Variants in CAST observed in about 807,000 individuals in gnomAD.
The protein encoded by CAST is MIR583 host.
CAST carries 76 observed loss-of-function variants against 119.6 expected under a neutral mutation model. The ratio of observed to expected loss-of-function variants is 0.64; its 90% CI spans 0.53 to 0.77. The LOEUF is 0.77. Ranked by LOEUF, CAST falls within the 30% of genes least tolerant of loss-of-function variation. The pLI, the probability that CAST is intolerant of heterozygous loss-of-function variation, is 0.00. For missense variants in CAST, 953 were observed against 946.5 expected (o/e 1.01, Z -0.09); for synonymous variants, 319 against 331.6 (o/e 0.96, Z 0.41).
chr5:96,021,484 T>C, the CAST span, among the ~76,000 whole-genome samples: 107 of 152,186 alleles, frequency 7.0e-4, no homozygotes, highest in African/African-American at 1.7e-3. Context: ...CTCGCTCTGT[T>C]GCCCAGGCTG....
intron 9 of CAST, 48 bp from the exon 10 acceptor site, chr5:96,736,120 TTGAG>T (rs1342319788): frequency 9.2e-7 from 1 of 1,088,716 alleles, no homozygotes; most frequent in African/African-American, 1.6e-5. Context: ...TGTAATAGTA[TTGAG>T]TTTTATTAAG....
At chr5:96,617,923 T>G (rs1466507290) in intron 1 of CAST, among the ~76,000 whole-genome samples, 2 of 150,648 alleles carry the variant, frequency 1.3e-5, no homozygotes, top group African/African-American at 4.9e-5. Context: ...GGAGGAGGAT[T>G]TGGAGATTAC....
chr5:96,754,054 T>G lies in CAST; in HGVS notation c.1525-6T>G. On this transcript the variant is annotated splice_region_variant and splice_polypyrimidine_tract_variant and intron_variant, in intron 20 of 31. Transcript: ENST00000675179. ...CTACTTAATATATCCACTAATGCAC[T>G]TTCAGAAGGGCACAGTGCCAGATGA... 1 of 1,596,932 alleles carries G rather than the reference T, an allele frequency of 6.3e-7. No individual in the cohort carries two copies. Among genetic ancestry groups the G allele is most frequent in the Non-Finnish European group, 8.6e-7 (1 of 1,164,302 alleles).
At chr5:96,413,288 G>A in the CAST span, among the ~76,000 whole-genome samples, 1 of 152,136 alleles carries the variant, frequency 6.6e-6, no homozygotes, top group Admixed American at 6.5e-5. Flanking sequence ...CCAACAGGCT[G>A]TCACCCGTCA....
chr5:96,346,113 G>T, the CAST span, among the ~76,000 whole-genome samples: 1 of 152,096 alleles, frequency 6.6e-6, no homozygotes, highest in South Asian at 2.1e-4. Context: ...AACATCCTCC[G>T]ATTGCAAAAT....
upstream of CAST, chr5:96,662,283 C>G (rs1748616229): frequency 9.3e-7 from 1 of 1,075,074 alleles, no homozygotes; most frequent in Non-Finnish European, 1.2e-6. Context: ...GGGGTGGGGT[C>G]GGAAAAGCTG....
chr5:96,363,631 CTGTT>C, the CAST span, among the ~76,000 whole-genome samples: 3 of 152,242 alleles, frequency 2.0e-5, no homozygotes, highest in East Asian at 1.9e-4. Context: ...ATTTGGCTCT[CTGTT>C]TGTCTGTTAT....
At chr5:96,570,626 A>T (rs868165697) in intron 1 of CAST, among the ~76,000 whole-genome samples, 2 of 152,182 alleles carry the variant, frequency 1.3e-5, no homozygotes, top group Admixed American at 1.3e-4. Context: ...GGTAAAGAGG[A>T]TGCTTAAAAC....
At chr5:96,074,183 T>G in the CAST span, among the ~76,000 whole-genome samples, 1 of 113,866 alleles carries the variant, frequency 8.8e-6, no homozygotes, top group East Asian at 2.3e-4. Flanking sequence ...TTCTCTAGAC[T>G]TCTCTTTGTT....
At chr5:96,039,294 T>C in the CAST span, among the ~76,000 whole-genome samples, 1 of 152,180 alleles carries the variant, frequency 6.6e-6, no homozygotes, top group Non-Finnish European at 1.5e-5. Context: ...GATGGATAGA[T>C]TGCAAAAATT....
At chr5:96,714,883 C>G (rs1246963593) in intron 3 of CAST, 1 of 152,112 alleles carries the variant, frequency 6.6e-6, no homozygotes. Flanking sequence ...ACTGGAAGCT[C>G]AACTTCATGC....
At chr5:96,115,224 C>T in the CAST span, among the ~76,000 whole-genome samples, 10 of 152,218 alleles carry the variant, frequency 6.6e-5, no homozygotes, top group East Asian at 7.7e-4. Context: ...GTGCTCTCAA[C>T]AGTACTTAAA....
chr5:96,260,555 T>C, the CAST span, among the ~76,000 whole-genome samples: 1 of 152,220 alleles, frequency 6.6e-6, no homozygotes, highest in Non-Finnish European at 1.5e-5. Context: ...AATATATGCA[T>C]TTATAATGAT....
the CAST span, among the ~76,000 whole-genome samples, chr5:95,968,569 G>GT: frequency 6.6e-6 from 1 of 152,096 alleles, no homozygotes; most frequent in African/African-American, 2.4e-5. Context: ...CCGCGGGACT[G>GT]TATCTCTCAC....
At chr5:96,499,849 T>C in the CAST span, among the ~76,000 whole-genome samples, 1 of 152,202 alleles carries the variant, frequency 6.6e-6, no homozygotes, top group African/African-American at 2.4e-5. Flanking sequence ...TCAACACAAC[T>C]TTCCTCACTA....
chr5:96,153,610 A>T, the CAST span, among the ~76,000 whole-genome samples: 1 of 152,214 alleles, frequency 6.6e-6, no homozygotes, highest in Admixed American at 6.5e-5. Flanking sequence ...CCTTTAGAAA[A>T]TGTGCATAAG....
the CAST span, among the ~76,000 whole-genome samples, chr5:96,359,662 C>G: frequency 2.0e-5 from 3 of 152,114 alleles, no homozygotes; most frequent in Non-Finnish European, 4.4e-5. Flanking sequence ...ATATTGGCCC[C>G]CATTCTATTC....
rs577490632 is a variant in CAST, at chr5:96,774,424, A to C, written c.*1808A>C. On this transcript the variant is annotated 3_prime_UTR_variant, in exon 32 of 32. Transcript: ENST00000675179. The stretch of plus-strand genomic sequence containing the variant: ...ACTAATAACTGGAGTAAGCTACAGG[A>C]TCTAAAGCAGCCCTTTTTACAGTCT... 74 of 744,980 alleles carry C rather than the reference A, an allele frequency of 9.9e-5. No homozygotes were observed. Among genetic ancestry groups the C allele is most frequent in the Non-Finnish European group, 1.2e-4 (71 of 608,186 alleles). The allele number at this position is 744,980 out of a possible 1,614,324, so 46.1% of individuals were successfully genotyped here. A position where few individuals can be genotyped will look rare whatever the true frequency, so the allele number is the denominator to read the frequency against.
chr5:96,575,444 G>C (rs1746651987), intron 1 of CAST, among the ~76,000 whole-genome samples: 1 of 152,070 alleles, frequency 6.6e-6, no homozygotes, highest in African/African-American at 2.4e-5. Flanking sequence ...TGTTGAGTAA[G>C]AATGGACAGA....
Sources: allele counts gnomAD v4.1 joint callset (sites outside exome capture counted in the v4.1 genomes callset), GRCh38; gene constraint gnomAD v4.1.1; transcripts MANE v1.5; gene names NCBI Gene and HGNC (gene_info 2026-07-23, HGNC 2026-07-21).